The following CCDC112 variants were observed in gnomAD, a reference collection of about 807,000 sequenced individuals.
CCDC112 encodes coiled-coil domain-containing protein 112.
A neutral mutation model predicts 66.3 loss-of-function variants in CCDC112; 40 were observed. That is an observed-to-expected ratio of 0.60 (90% CI 0.47 to 0.79). The LOEUF (loss-of-function observed/expected upper bound fraction) is 0.79, where lower values mean the gene tolerates loss of function less well. CCDC112 is among the 30% of genes least tolerant of loss of function. CCDC112 has a pLI of 0.00. For synonymous variants in CCDC112, 214 were observed against 197.2 expected (o/e 1.09, Z -0.71); for missense variants, 659 against 603.8 (o/e 1.09, Z -0.96).
In CCDC112 at chr5:115,296,533, A is replaced by G; in HGVS notation, c.11T>C (p.Leu4Pro). MAA[L>P]TTVVVAAAAT... The stretch of plus-strand genomic sequence containing the variant: ...CGCAGCCGCTACCACAACCGTCGTC[A>G]GTGCGGCCATGTTTACCCGCCGAGC... The change falls in exon 1 of 10, where the codon CTG (leucine) becomes CCG (proline). Residue 4 changes from leucine to proline, a missense_variant. Transcript: ENST00000379611. 5 of 1,517,880 alleles carry G rather than the reference A, an allele frequency of 3.3e-6. No homozygotes were observed. The highest frequency in any genetic ancestry group is 4.4e-6 in the Non-Finnish European group (5 of 1,136,770). 94.0% of individuals were successfully genotyped at this position (1,517,880 alleles called of 1,614,324 possible).
Position 115,275,216 on chromosome 5 carries a change from CTCTT to C in CCDC112, c.914_917del (p.Lys305SerfsTer20). The C allele has an allele frequency of 6.3e-7, 1 of 1,595,998 alleles. No homozygotes were observed. Among genetic ancestry groups the C allele is most frequent in the Non-Finnish European group, 8.5e-7 (1 of 1,170,520 alleles). On this transcript the variant is annotated frameshift_variant and splice_region_variant, in exon 6 of 10. Coordinates refer to ENST00000379611, the MANE Select transcript of CCDC112 (RefSeq NM_001040440.3). LOFTEE classifies it high-confidence loss of function. Reference sequence around the variant, plus strand: ...GAATAATAGCTATTATAATTATTACCTCTTTTTTTCTTTCTTCTAGAGCCAGAAA... The same window carrying C: ...GAATAATAGCTATTATAATTATTACCTTTTTCTTTCTTCTAGAGCCAGAAA...
At chr5:115,294,685 T>C (rs948385688) in intron 1 of CCDC112, among the ~76,000 whole-genome samples, 1 of 152,166 alleles carries the variant, frequency 6.6e-6, no homozygotes, top group African/African-American at 2.4e-5. Flanking sequence ...TTGGTTTCAG[T>C]GTTAAAGTCA....
Position 115,296,411 on chromosome 5 carries a change from G to A in CCDC112, c.117+16C>T, listed in dbSNP as rs1376695961. On this transcript the variant is annotated intron_variant, in intron 1 of 9. Coordinates refer to ENST00000379611, the MANE Select transcript of CCDC112 (RefSeq NM_001040440.3). ...TCGCCTGCCGCCAGAGCAGCTCTCGGTTCTCCCGGATTTACCTGTTGAGGC... is the reference window on the plus strand; with the variant it reads ...TCGCCTGCCGCCAGAGCAGCTCTCGATTCTCCCGGATTTACCTGTTGAGGC... 1.9e-6 allele frequency: 3 copies of A among 1,565,930 alleles called. No homozygotes were observed. Among genetic ancestry groups the A allele is most frequent in the Non-Finnish European group, 1.7e-6 (2 of 1,165,076 alleles).
In CCDC112 at chr5:115,271,240, A is replaced by G. The variant is rs1748981169; in HGVS notation, c.1305T>C (p.Ala435=). 1 of 1,581,432 alleles carries G rather than the reference A, an allele frequency of 6.3e-7. No individual in the cohort carries two copies. The highest frequency in any genetic ancestry group is 8.5e-7 in the Non-Finnish European group (1 of 1,172,118). The stretch of plus-strand genomic sequence containing the variant: ...TTTCTTGAAATCTGGAAATTTCATC[A>G]GCAGCATTTTTCCTTTTTTCTGCCT... ...AEKAEKRKNA[A]DEISRFQERD... is the part of the protein sequence containing the mutation. Residue 435 remains alanine, a synonymous_variant, in exon 7 of 10, where the codon GCT becomes GCC. Transcript: ENST00000379611.
chr5:115,293,032 GTTCTGGAGGTCT>G (rs1750001545), intron 1 of CCDC112, among the ~76,000 whole-genome samples: 1 of 152,202 alleles, frequency 6.6e-6, no homozygotes, highest in Admixed American at 6.5e-5. Context: ...TTGACTTATA[GTTCTGGAGGTCT>G]ACTCTAAAAT....
chr5:115,279,044 T>C (rs1438510173), intron 3 of CCDC112, among the ~76,000 whole-genome samples: 1 of 152,152 alleles, frequency 6.6e-6, no homozygotes, highest in Non-Finnish European at 1.5e-5. Context: ...CTATTGACAA[T>C]GATTAATATT....
intron 1 of CCDC112, among the ~76,000 whole-genome samples, chr5:115,285,297 A>T (rs897498961): frequency 6.6e-6 from 1 of 152,178 alleles, no homozygotes; most frequent in Non-Finnish European, 1.5e-5. Flanking sequence ...AGATTTAAAG[A>T]GATAAGAGTA....
intron 2 of CCDC112, among the ~76,000 whole-genome samples, chr5:115,282,827 T>C (rs578173227): frequency 6.6e-6 from 1 of 152,188 alleles, no homozygotes; most frequent in African/African-American, 2.4e-5. Context: ...TTACCTATTT[T>C]AAAAATTTAA....
intron 1 of CCDC112, among the ~76,000 whole-genome samples, chr5:115,292,479 G>T (rs1749976603): frequency 6.6e-6 from 1 of 152,022 alleles, no homozygotes; most frequent in Admixed American, 6.6e-5. Flanking sequence ...TGCCTAGTAT[G>T]TCCAATAGCC....
At position 115,268,932 on chromosome 5, in the gene CCDC112, G is replaced by A. The variant is rs751374128; in HGVS notation, c.1497C>T (p.Thr499=). The change falls in exon 9 of 10, where the codon ACC becomes ACT. Residue 499 remains threonine, a synonymous_variant. Transcript: ENST00000379611. The part of the protein sequence containing the change: ...YKPTKGWEER[T]KKIGPTGSGP... ...CAGAGCCTGTTGGTCCTATCTTTTT[G>A]GTTCGTTCTTCCCAACCTTTGGTGG... The A allele has an allele frequency of 6.2e-7, 1 of 1,607,148 alleles. No individual in the cohort carries two copies. Among genetic ancestry groups the A allele is most frequent in the South Asian group, 1.1e-5 (1 of 90,404 alleles).
At position 115,285,167 on chromosome 5, in the gene CCDC112, C is replaced by T. The variant is rs569860824; in HGVS notation, c.118-259G>A. ...TGCAAAATGATCTAATTCATTCAGT[C>T]GGTCATTTAACAAATATGTATTGAA... On this transcript the variant is annotated intron_variant, in intron 1 of 9. Coordinates refer to ENST00000379611, the MANE Select transcript of CCDC112 (RefSeq NM_001040440.3). Among the ~76,000 whole-genome samples the T allele has an allele frequency of 3.9e-5, 6 of 152,144 alleles. No homozygotes were observed. In the East Asian group the frequency reaches 9.7e-4, roughly 24 times the overall value.
chr5:115,279,824 T>A, intron 2 of CCDC112, 56 bp from the exon 3 acceptor site: 2 of 961,690 alleles, frequency 2.1e-6, no homozygotes, highest in Non-Finnish European at 3.1e-6. Context: ...TTTAATAGTT[T>A]AAAATATGAA....
chr5:115,294,964 T>C (rs144798563), intron 1 of CCDC112, among the ~76,000 whole-genome samples: 46 of 152,284 alleles, frequency 3.0e-4, no homozygotes, highest in Admixed American at 5.2e-4. Flanking sequence ...CTTTCCCTAC[T>C]AAAGTGGTAA....
rs1446479854 is a variant in CCDC112, at chr5:115,269,766, A to G, written c.1365T>C (p.Asp455=). The G allele has an allele frequency of 3.1e-6, 5 of 1,593,110 alleles. No individual in the cohort carries two copies. The highest frequency in any genetic ancestry group is 2.3e-5 in the East Asian group (1 of 44,394). ...DLHKLELKIL[D]RQAKEDEKSQ... ...ACTTTTCATCTTCCTTTGCCTGTCT[A>G]TCTAGAATTTTCAGTTCAAGTTTAT... Residue 455 remains aspartate, a synonymous_variant, in exon 8 of 10, where the codon GAT becomes GAC. Transcript: ENST00000379611.
rs1273620772 is a variant in CCDC112, at chr5:115,279,645, A to C, written c.361+2T>G. 6.2e-7 allele frequency: 1 copy of C among 1,610,596 alleles called. No homozygotes were observed. The highest frequency in any genetic ancestry group is 8.5e-7 in the Non-Finnish European group (1 of 1,179,238). On this transcript the variant is annotated splice_donor_variant, in intron 3 of 9. Transcript: ENST00000379611. LOFTEE classifies it high-confidence loss of function. ...TTTTAGTTCATCACAAACTCAACTT[A>C]CTTTCTGTTTTCCTGCTGTGAATCA...
In CCDC112 at chr5:115,269,777, T is replaced by G. The variant is rs1020732564; in HGVS notation, c.1354A>C (p.Lys452Gln). The G allele has an allele frequency of 1.5e-5, 24 of 1,587,684 alleles. No homozygotes were observed. Among genetic ancestry groups the G allele is most frequent in the Non-Finnish European group, 2.0e-5 (23 of 1,170,422 alleles). The change falls in exon 8 of 10, where the codon AAA (lysine) becomes CAA (glutamine). Residue 452 changes from lysine to glutamine, a missense_variant. Transcript: ENST00000379611. ...TCCTTTGCCTGTCTATCTAGAATTTTCAGTTCAAGTTTATGTAAATCCTTA... is the reference window on the plus strand; with the variant it reads ...TCCTTTGCCTGTCTATCTAGAATTTGCAGTTCAAGTTTATGTAAATCCTTA... ...QERDLHKLEL[K>Q]ILDRQAKEDE...
At position 115,269,786 on chromosome 5, in the gene CCDC112, G is replaced by C. The variant is rs1474246645; in HGVS notation, c.1345C>G (p.Leu449Val). The change falls in exon 8 of 10, where the codon CTT (leucine) becomes GTT (valine). Residue 449 changes from leucine (L) to valine (V), a missense_variant. Coordinates refer to ENST00000379611, the MANE Select transcript of CCDC112 (RefSeq NM_001040440.3). Reference sequence around the variant, plus strand: ...TGTCTATCTAGAATTTTCAGTTCAAGTTTATGTAAATCCTTAAAAAAAAAA... The same window carrying C: ...TGTCTATCTAGAATTTTCAGTTCAACTTTATGTAAATCCTTAAAAAAAAAA... The part of the protein sequence containing the change: ...SRFQERDLHK[L>V]ELKILDRQAK... 26 of 1,555,382 alleles carry C rather than the reference G, an allele frequency of 1.7e-5. No homozygotes were observed. The highest frequency in any genetic ancestry group is 2.2e-5 in the Non-Finnish European group (25 of 1,154,886).
chr5:115,285,871 C>T (rs1749653556), intron 1 of CCDC112, among the ~76,000 whole-genome samples: 1 of 151,814 alleles, frequency 6.6e-6, no homozygotes, highest in Admixed American at 6.6e-5. Context: ...GACTACTGGG[C>T]TGACAGAAAA....
intron 2 of CCDC112, among the ~76,000 whole-genome samples, chr5:115,282,990 C>T (rs549963687): frequency 6.6e-6 from 1 of 152,090 alleles, no homozygotes; most frequent in Non-Finnish European, 1.5e-5. Flanking sequence ...GTAAAACACA[C>T]TGGTTGCTGC....
Sources: allele counts gnomAD v4.1 joint callset (sites outside exome capture counted in the v4.1 genomes callset), GRCh38; gene constraint gnomAD v4.1.1; transcripts MANE v1.5; gene names NCBI Gene and HGNC (gene_info 2026-07-23, HGNC 2026-07-21).